Variants in ELAVL2 observed in about 807,000 individuals in gnomAD.
ELAVL2 encodes the protein ELAV-like protein 2.
Under a neutral mutation model 34.6 loss-of-function variants are expected in ELAVL2, and 4 were observed. The ratio of observed to expected loss-of-function variants is 0.12; its 90% CI spans 0.06 to 0.26. The LOEUF (loss-of-function observed/expected upper bound fraction) is 0.26. ELAVL2 is among the 10% of genes least tolerant of loss of function. The pLI, the probability that ELAVL2 is intolerant of heterozygous loss-of-function variation, is 1.00. For synonymous variants in ELAVL2, 193 were observed against 154.8 expected, an observed-to-expected ratio of 1.25 and a Z score of -1.83; for missense variants, 432 against 442.8, an observed-to-expected ratio of 0.98 and a Z score of 0.22.
chr9:23,772,016 G>A (rs1205341520), intron 1 of ELAVL2, among the ~76,000 whole-genome samples: 2 of 152,142 alleles, frequency 1.3e-5, no homozygotes, highest in Non-Finnish European at 2.9e-5. Flanking sequence ...AGGGATATGA[G>A]TACAACAAGA....
At chr9:23,771,823 G>A (rs2057355343) in intron 1 of ELAVL2, among the ~76,000 whole-genome samples, 1 of 152,108 alleles carries the variant, frequency 6.6e-6, no homozygotes, top group Non-Finnish European at 1.5e-5. Context: ...TTTTTCAACA[G>A]GGTCATTTAT....
At position 23,762,262 on chromosome 9, in the gene ELAVL2, A is replaced by T; in HGVS notation, c.-15-13T>A. The T allele has an allele frequency of 6.2e-7, 1 of 1,611,584 alleles. No individual in the cohort carries two copies. The highest frequency in any genetic ancestry group is 1.3e-5 in the African/African-American group (1 of 74,906). ...CAGCAATTACCTGCTAAAAACAGAG[A>T]AAACAAGAAATGTCAGAATTCATAT... On this transcript the variant is annotated splice_polypyrimidine_tract_variant and intron_variant, in intron 1 of 6. Transcript: ENST00000397312.
chr9:23,749,152 A>T lies in ELAVL2; in HGVS notation c.229+12854T>A, dbSNP rs140632679. 2.3e-3 allele frequency among the ~76,000 whole-genome samples: 352 copies of T among 152,250 alleles called. 1 individual carries two copies. Among genetic ancestry groups the T allele is most frequent in the African/African-American group, 7.2e-3 (299 of 41,570 alleles). ...GATAAATTTTATGTTATATTTTGCCACAATAAAAACATTTCTTTTTAAAGT... is the reference window on the plus strand; with the variant it reads ...GATAAATTTTATGTTATATTTTGCCTCAATAAAAACATTTCTTTTTAAAGT... On this transcript the variant is annotated intron_variant, in intron 2 of 6. Transcript: ENST00000397312.
chr9:23,822,623 C>T (rs2064972170), intron 1 of ELAVL2, among the ~76,000 whole-genome samples: 2 of 152,236 alleles, frequency 1.3e-5, no homozygotes, highest in Non-Finnish European at 1.5e-5. Context: ...ACCCCGGAGC[C>T]ACGCGGCTGG....
intron 2 of ELAVL2, among the ~76,000 whole-genome samples, chr9:23,741,899 G>C (rs1314985126): frequency 6.6e-6 from 1 of 152,016 alleles, no homozygotes. Context: ...ACCAATCCTT[G>C]CCTCTTGTGT....
At chr9:23,826,783 C>G (rs890524876), upstream of ELAVL2, among the ~76,000 whole-genome samples, 25 of 152,166 alleles carry the variant, frequency 1.6e-4, no homozygotes, top group African/African-American at 6.0e-4. Context: ...TCTCTTTGAT[C>G]TGAGTGAAAG....
At chr9:23,748,093 C>A (rs1312596490) in intron 2 of ELAVL2, among the ~76,000 whole-genome samples, 1 of 144,030 alleles carries the variant, frequency 6.9e-6, no homozygotes, top group Non-Finnish European at 1.5e-5. Flanking sequence ...TTCCAGTGGT[C>A]TAAAAAAAAG....
chr9:23,834,114 G>T, the ELAVL2 span, among the ~76,000 whole-genome samples: 3 of 152,024 alleles, frequency 2.0e-5, no homozygotes, highest in South Asian at 4.1e-4. Flanking sequence ...AAGGAAATCA[G>T]ATTATATTTT....
chr9:23,801,042 G>C (rs1345674644), intron 1 of ELAVL2, among the ~76,000 whole-genome samples: 1 of 152,116 alleles, frequency 6.6e-6, no homozygotes, highest in Admixed American at 6.6e-5. Flanking sequence ...GGCTAATTGT[G>C]AACTGTACAG....
intron 5 of ELAVL2, among the ~76,000 whole-genome samples, chr9:23,697,993 A>G (rs1299274776): frequency 1.3e-5 from 2 of 152,256 alleles, no homozygotes; most frequent in South Asian, 2.1e-4. Context: ...AGAAAGAGGA[A>G]AAGTATTCAA....
At chr9:23,712,794 C>CAACTT (rs2041327668) in intron 3 of ELAVL2, among the ~76,000 whole-genome samples, 1 of 152,134 alleles carries the variant, frequency 6.6e-6, no homozygotes, top group Non-Finnish European at 1.5e-5. Flanking sequence ...ATCTTAGCTT[C>CAACTT]AACTTAAAGG....
At chr9:23,770,124 T>C (rs2057036164) in intron 1 of ELAVL2, among the ~76,000 whole-genome samples, 1 of 152,144 alleles carries the variant, frequency 6.6e-6, no homozygotes, top group African/African-American at 2.4e-5. Context: ...CATCTTGGAG[T>C]GCTGATTTGC....
At chr9:23,748,321 T>C (rs973874877) in intron 2 of ELAVL2, among the ~76,000 whole-genome samples, 1 of 152,146 alleles carries the variant, frequency 6.6e-6, no homozygotes, top group African/African-American at 2.4e-5. Context: ...GAGAATGAAG[T>C]GAGGTAACGA....
At chr9:23,773,910 A>G (rs1343812049) in intron 1 of ELAVL2, among the ~76,000 whole-genome samples, 1 of 152,112 alleles carries the variant, frequency 6.6e-6, no homozygotes, top group Non-Finnish European at 1.5e-5. Context: ...AAATGTTAGC[A>G]TAGAAAATTT....
chr9:23,830,791 T>C (rs1321428552), upstream of ELAVL2, among the ~76,000 whole-genome samples: 2 of 152,124 alleles, frequency 1.3e-5, no homozygotes, highest in Non-Finnish European at 2.9e-5. Context: ...CCCACAAATG[T>C]CCCCAGATTT....
intron 2 of ELAVL2, among the ~76,000 whole-genome samples, chr9:23,758,828 C>G (rs753587064): frequency 6.6e-6 from 1 of 151,944 alleles, no homozygotes; most frequent in Non-Finnish European, 1.5e-5. Context: ...GAGTATGGAT[C>G]TTAAATAAAG....
At chr9:23,736,221 C>G (rs941862015) in intron 2 of ELAVL2, among the ~76,000 whole-genome samples, 1 of 151,906 alleles carries the variant, frequency 6.6e-6, no homozygotes, top group Non-Finnish European at 1.5e-5. Context: ...TAACTTTATC[C>G]AACCAATATT....
intron 3 of ELAVL2, among the ~76,000 whole-genome samples, chr9:23,721,260 T>A (rs1245365869): frequency 9.2e-5 from 14 of 152,202 alleles, no homozygotes; most frequent in Admixed American, 9.2e-4. Flanking sequence ...CTCAACTGGG[T>A]TAGCCTCTTC....
chr9:23,821,039 G>C (rs935663290), intron 1 of ELAVL2, among the ~76,000 whole-genome samples: 1 of 152,202 alleles, frequency 6.6e-6, no homozygotes, highest in Non-Finnish European at 1.5e-5. Flanking sequence ...AACGCCCCGA[G>C]AGCTCCAAGG....
Sources: gnomAD v4.1 joint callset for allele counts (sites outside exome capture counted in the v4.1 genomes callset) on GRCh38, gnomAD v4.1.1 for gene constraint, MANE v1.5 for transcripts, NCBI Gene and HGNC (gene_info 2026-07-23, HGNC 2026-07-21) for gene names.